Variants in ANO4 observed in about 807,000 individuals in gnomAD.
ANO4 encodes anoctamin-4.
In ANO4, 69 loss-of-function variants were observed where a neutral mutation model predicts 141.9. That is an observed-to-expected ratio of 0.49 (90% CI 0.40 to 0.59). The LOEUF (loss-of-function observed/expected upper bound fraction) is 0.59, where lower values mean the gene tolerates loss of function less well. Among genes scored for constraint, ANO4 ranks in the 20% least tolerant of loss-of-function variants. The pLI is 0.00. For missense variants in ANO4, 894 were observed against 1,162.2 expected, an observed-to-expected ratio of 0.77 and a Z score of 3.36; for synonymous variants, 350 against 394.3, an observed-to-expected ratio of 0.89 and a Z score of 1.33.
chr12:100,841,000 C>G (rs959256541), intron 1 of ANO4, among the ~76,000 whole-genome samples: 1 of 151,964 alleles, frequency 6.6e-6, no homozygotes, highest in African/African-American at 2.4e-5. Flanking sequence ...TGACAAAATC[C>G]AATGAAATGA....
Position 100,933,181 on chromosome 12 carries a change from A to T in ANO4, c.161-6134A>T, listed in dbSNP as rs184927179. Reference sequence around the variant, plus strand: ...CATGTGTACAACGTGCAGGTTTGATACATAGGTATACATGTGCCATGTTGG... The same window carrying T: ...CATGTGTACAACGTGCAGGTTTGATTCATAGGTATACATGTGCCATGTTGG... On this transcript the variant is annotated intron_variant, in intron 3 of 27. Transcript: ENST00000392977. Among the ~76,000 whole-genome samples, 468 of 152,106 alleles carry T rather than the reference A, an allele frequency of 3.1e-3. 5 individuals are homozygous for T. Among genetic ancestry groups the T allele is most frequent in the African/African-American group, 0.01 (416 of 41,498 alleles).
At chr12:100,792,512 T>A (rs566852050), upstream of ANO4, among the ~76,000 whole-genome samples, 1 of 152,368 alleles carries the variant, frequency 6.6e-6, no homozygotes, top group African/African-American at 2.4e-5. Flanking sequence ...AAACAATCTG[T>A]ACATTACAAA....
rs535606719 is a variant in ANO4, at chr12:100,717,980, CAG to C, written c.22+439_22+440del. On this transcript the variant is annotated intron_variant, in intron 1 of 29. Coordinates refer to the ANO4 transcript ENST00000644049. The stretch of plus-strand genomic sequence containing the variant: ...CCTCTGCATTTCTCCGTCTGTAAAT[CAG>C]AGAGATGAGAACATCTCTCTGACAG... Among the ~76,000 whole-genome samples, 69 of 152,214 alleles carry C rather than the reference CAG, an allele frequency of 4.5e-4. 1 individual carries two copies. Among genetic ancestry groups the C allele is most frequent in the Middle Eastern group, 3.4e-3 (1 of 294 alleles).
intron 9 of ANO4, among the ~76,000 whole-genome samples, chr12:101,033,685 A>G (rs2047076967): frequency 6.6e-6 from 1 of 152,222 alleles, no homozygotes; most frequent in Non-Finnish European, 1.5e-5. Context: ...AAAAGAAACT[A>G]TCATCAGAGT....
intron 3 of ANO4, among the ~76,000 whole-genome samples, chr12:100,935,935 G>A (rs1355471274): frequency 1.3e-5 from 2 of 152,134 alleles, no homozygotes; most frequent in Non-Finnish European, 2.9e-5. Context: ...TGGATGAAGT[G>A]CACATACTTT....
intron 2 of ANO4, among the ~76,000 whole-genome samples, chr12:100,903,910 C>T (rs1402700509): frequency 3.3e-5 from 5 of 152,168 alleles, no homozygotes; most frequent in African/African-American, 7.2e-5. Flanking sequence ...AATAGACCAT[C>T]GCATCTGAGT....
chr12:100,868,400 G>C (rs1399113317), intron 1 of ANO4, among the ~76,000 whole-genome samples: 1 of 152,108 alleles, frequency 6.6e-6, no homozygotes, highest in Non-Finnish European at 1.5e-5. Flanking sequence ...CACCTTAGTA[G>C]GTGGTCCATC....
chr12:100,785,224 A>G (rs2033835399), intron 3 of ANO4, among the ~76,000 whole-genome samples: 1 of 152,202 alleles, frequency 6.6e-6, no homozygotes, highest in African/African-American at 2.4e-5. Context: ...TGTTACAACC[A>G]ATGAACTTAC....
chr12:101,074,028 C>A (rs2048929980), intron 14 of ANO4, among the ~76,000 whole-genome samples: 2 of 152,138 alleles, frequency 1.3e-5, no homozygotes, highest in South Asian at 4.2e-4. Context: ...TTGAGAGTGT[C>A]CTTTTCTAAG....
intron 3 of ANO4, among the ~76,000 whole-genome samples, chr12:100,779,715 A>G (rs1032203874): frequency 4.0e-5 from 6 of 151,842 alleles, no homozygotes. Context: ...CCTTTAAAGT[A>G]TTTTTCTCAG....
At chr12:100,758,087 C>A (rs1256849790) in intron 3 of ANO4, among the ~76,000 whole-genome samples, 1 of 152,206 alleles carries the variant, frequency 6.6e-6, no homozygotes, top group African/African-American at 2.4e-5. Context: ...CAGAGACTGG[C>A]AATTGAGGGC....
At chr12:100,817,949 G>T (rs2035825795) in intron 1 of ANO4, among the ~76,000 whole-genome samples, 1 of 151,420 alleles carries the variant, frequency 6.6e-6, no homozygotes, top group Non-Finnish European at 1.5e-5. Context: ...TACCTATAAG[G>T]ACATAGACAC....
intron 2 of ANO4, among the ~76,000 whole-genome samples, chr12:100,919,660 G>C (rs1434991241): frequency 6.8e-6 from 1 of 146,320 alleles, no homozygotes; most frequent in African/African-American, 2.6e-5. Context: ...ACTGTACTTG[G>C]GACATGTCTC....
chr12:101,077,497 A>C (rs1289380367), intron 14 of ANO4, among the ~76,000 whole-genome samples: 1 of 152,180 alleles, frequency 6.6e-6, no homozygotes, highest in African/African-American at 2.4e-5. Context: ...GCTGCTCAGC[A>C]TTGACACAGA....
intron 3 of ANO4, among the ~76,000 whole-genome samples, chr12:100,784,541 T>C (rs1422831882): frequency 6.6e-6 from 1 of 152,216 alleles, no homozygotes; most frequent in African/African-American, 2.4e-5. Flanking sequence ...TGTAGTTAAA[T>C]CTTTTGTAGC....
chr12:101,014,493 C>T lies in ANO4; in HGVS notation c.735-5541C>T, dbSNP rs139268709. 2.3e-3 allele frequency among the ~76,000 whole-genome samples: 357 copies of T among 152,262 alleles called. 1 individual carries two copies. Among genetic ancestry groups the T allele is most frequent in the Non-Finnish European group, 3.4e-3 (233 of 68,014 alleles). ...ATGAGCAGGCCAGCAAGGTCTTCCT[C>T]ATGGGGTGTGATGGAGATATGCAGA... On this transcript the variant is annotated intron_variant, in intron 8 of 27. Coordinates refer to ENST00000392977, the MANE Select transcript of ANO4 (RefSeq NM_001286615.2).
intron 2 of ANO4, among the ~76,000 whole-genome samples, chr12:100,911,058 G>C (rs966272473): frequency 6.6e-6 from 1 of 151,898 alleles, no homozygotes; most frequent in Non-Finnish European, 1.5e-5. Flanking sequence ...TGTATACTTA[G>C]GCATTAAATG....
intron 6 of ANO4, among the ~76,000 whole-genome samples, chr12:100,974,455 C>T (rs796468380): frequency 5.9e-5 from 9 of 152,018 alleles, no homozygotes; most frequent in South Asian, 4.1e-4. Context: ...AATATAATAG[C>T]GTGCCCACTA....
intron 3 of ANO4, among the ~76,000 whole-genome samples, chr12:100,932,661 A>C (rs11110588): frequency 0.022 from 3,338 of 152,180 alleles, 128 homozygotes; most frequent in African/African-American, 0.076. Context: ...AGTATTACCA[A>C]AGTAAATTCA....
Sources: allele counts gnomAD v4.1 joint callset (sites outside exome capture counted in the v4.1 genomes callset), GRCh38; gene constraint gnomAD v4.1.1; transcripts MANE v1.5; gene names NCBI Gene and HGNC (gene_info 2026-07-23, HGNC 2026-07-21).